PPARA: variants seen among roughly 807,000 people sequenced by gnomAD.
PPARA encodes the protein peroxisome proliferator activated receptor alpha, also known as peroxisome proliferator-activated receptor alpha.
In PPARA, 22 loss-of-function variants were observed where a neutral mutation model predicts 42.2. That is an observed-to-expected ratio of 0.52 (90% CI 0.37 to 0.74). The LOEUF (loss-of-function observed/expected upper bound fraction) is 0.74. Among genes scored for constraint, PPARA ranks in the 30% least tolerant of loss-of-function variants. The pLI is 0.00. For missense variants in PPARA, 465 were observed against 608.2 expected, an observed-to-expected ratio of 0.76 and a Z score of 2.48; for synonymous variants, 242 against 239.3, an observed-to-expected ratio of 1.01 and a Z score of -0.10.
In PPARA at chr22:46,184,713, G is replaced by A. The variant is rs1376973993; in HGVS notation, c.-43+7877G>A. Among the ~76,000 whole-genome samples, 1 of 152,152 alleles carries A rather than the reference G, an allele frequency of 6.6e-6. No homozygotes were observed. The highest frequency in any genetic ancestry group is 1.5e-5 in the Non-Finnish European group (1 of 68,032). The stretch of plus-strand genomic sequence containing the variant: ...CTACAAAAAATACAAAAATTAGCCA[G>A]GCGTGGTGGCGCACGCCTGTAGTAC... On this transcript the variant is annotated intron_variant, in intron 3 of 8. Coordinates refer to ENST00000407236, the MANE Select transcript of PPARA (RefSeq NM_005036.6). The surrounding 1 kb of genome is among the most constrained non-coding windows in gnomAD (Gnocchi z 4.4).
intron 3 of PPARA, among the ~76,000 whole-genome samples, chr22:46,185,524 T>C (rs1043465928): frequency 2.7e-5 from 4 of 150,848 alleles, no homozygotes; most frequent in South Asian, 4.2e-4. Context: ...TCAGAACTTG[T>C]CTGCTCTGGC....
Position 46,191,200 on chromosome 22 carries a change from C to T in PPARA, c.-42-7142C>T, listed in dbSNP as rs904326121. Among the ~76,000 whole-genome samples the T allele has an allele frequency of 6.6e-6, 1 of 152,062 alleles. No individual in the cohort carries two copies. The highest frequency in any genetic ancestry group is 2.4e-5 in the African/African-American group (1 of 41,398). ...CAGAGTGAGACTGCATCTATAAAAA[C>T]AACAACAAAAAAGAAAATATTTGCA... is the stretch of plus-strand genomic sequence containing the variant. On this transcript the variant is annotated intron_variant, in intron 3 of 8. Coordinates refer to ENST00000407236, the MANE Select transcript of PPARA (RefSeq NM_005036.6). The surrounding 1 kb of genome is among the most constrained non-coding windows in gnomAD (Gnocchi z 4.6).
intron 4 of PPARA, among the ~76,000 whole-genome samples, chr22:46,209,714 T>A (rs1223153642): frequency 6.6e-6 from 1 of 152,220 alleles, no homozygotes; most frequent in Non-Finnish European, 1.5e-5. Context: ...ACTCAGCTTC[T>A]TAAACATTTA....
rs995221923 is a variant in PPARA at position 46,162,016 on chromosome 22, C to A, written c.-127+10046C>A. On this transcript the variant is annotated intron_variant, in intron 2 of 8. Coordinates refer to ENST00000407236, the MANE Select transcript of PPARA (RefSeq NM_005036.6). This position sits in a 1 kb window ranked among gnomAD's most constrained non-coding sequence, Gnocchi z 6.0. ...TCCTGCGTTTTCCCCTCCCCTCACCCTGGCGACCCTTTTCGGTCTCAGTTG... is the reference window on the plus strand; with the variant it reads ...TCCTGCGTTTTCCCCTCCCCTCACCATGGCGACCCTTTTCGGTCTCAGTTG... Among the ~76,000 whole-genome samples the A allele has an allele frequency of 6.6e-6, 1 of 152,186 alleles. No individual in the cohort carries two copies. The highest frequency in any genetic ancestry group is 6.5e-5 in the Admixed American group (1 of 15,276).
At chr22:46,151,541 TAAAAG>T (rs927479108) in intron 1 of PPARA, among the ~76,000 whole-genome samples, 1 of 152,246 alleles carries the variant, frequency 6.6e-6, no homozygotes, top group African/African-American at 2.4e-5. Context: ...TTTTAAAAGT[TAAAAG>T]AGAGGAAGTG....
intron 5 of PPARA, among the ~76,000 whole-genome samples, chr22:46,215,799 A>G (rs1934431338): frequency 6.6e-6 from 1 of 152,172 alleles, no homozygotes; most frequent in South Asian, 2.1e-4. Context: ...GTGATAGATT[A>G]GCCTCTCTTT....
Position 46,187,531 on chromosome 22 carries a change from C to T in PPARA, c.-43+10695C>T, listed in dbSNP as rs898848599. The stretch of plus-strand genomic sequence containing the variant: ...TCTTTTCTTGGGACAGTTACAACAG[C>T]CCCGTAAGGAGTTGTGCTGCTTCTA... On this transcript the variant is annotated intron_variant, in intron 3 of 8. Coordinates refer to ENST00000407236, the MANE Select transcript of PPARA (RefSeq NM_005036.6). This position sits in a 1 kb window ranked among gnomAD's most constrained non-coding sequence, Gnocchi z 4.9. Among the ~76,000 whole-genome samples the T allele has an allele frequency of 6.6e-6, 1 of 152,202 alleles. No individual in the cohort carries two copies. The highest frequency in any genetic ancestry group is 1.5e-5 in the Non-Finnish European group (1 of 68,032).
Position 46,192,920 on chromosome 22 carries a change from A to G in PPARA, c.-42-5422A>G, listed in dbSNP as rs917664617. Among the ~76,000 whole-genome samples, 1 of 152,178 alleles carries G rather than the reference A, an allele frequency of 6.6e-6. No individual in the cohort carries two copies. Among genetic ancestry groups the G allele is most frequent in the African/African-American group, 2.4e-5 (1 of 41,462 alleles). ...TGTTCTCACTTATTTGTGGGCTCTA[A>G]AAATCAAATCACTTGAACTCAGAGA... is the stretch of plus-strand genomic sequence containing the variant. On this transcript the variant is annotated intron_variant, in intron 3 of 8. Coordinates refer to ENST00000407236, the MANE Select transcript of PPARA (RefSeq NM_005036.6). The surrounding 1 kb of genome is among the most constrained non-coding windows in gnomAD (Gnocchi z 4.3).
At chr22:46,217,806 G>T (rs1934622364) in intron 5 of PPARA, among the ~76,000 whole-genome samples, 2 of 128,988 alleles carry the variant, frequency 1.6e-5, no homozygotes, top group African/African-American at 3.1e-5. Context: ...CTTCTTAGAA[G>T]AACTATTTCT....
At position 46,196,425 on chromosome 22, in the gene PPARA, C is replaced by A. The variant is rs76885466; in HGVS notation, c.-42-1917C>A. Among the ~76,000 whole-genome samples the A allele has an allele frequency of 6.6e-6, 1 of 152,232 alleles. No homozygotes were observed. The highest frequency in any genetic ancestry group is 6.5e-5 in the Admixed American group (1 of 15,288). ...ATGTCACACCCAGCACACATGCCAC[C>A]GGCTTGGCCCTGCGCCCCGCAGCCT... On this transcript the variant is annotated intron_variant, in intron 3 of 8. Coordinates refer to ENST00000407236, the MANE Select transcript of PPARA (RefSeq NM_005036.6). The surrounding 1 kb of genome is among the most constrained non-coding windows in gnomAD (Gnocchi z 5.6).
At chr22:46,213,669 A>G (rs1934159942) in intron 4 of PPARA, among the ~76,000 whole-genome samples, 1 of 150,976 alleles carries the variant, frequency 6.6e-6, no homozygotes, top group Non-Finnish European at 1.5e-5. Context: ...GGCTCACTGC[A>G]AGCTCCGCCT....
At position 46,203,015 on chromosome 22, in the gene PPARA, C is replaced by G. The variant is rs1324821773; in HGVS notation, c.208+4424C>G. Among the ~76,000 whole-genome samples, 1 of 152,134 alleles carries G rather than the reference C, an allele frequency of 6.6e-6. No homozygotes were observed. Among genetic ancestry groups the G allele is most frequent in the African/African-American group, 2.4e-5 (1 of 41,446 alleles). On this transcript the variant is annotated intron_variant, in intron 4 of 8. Transcript: ENST00000407236. This position sits in a 1 kb window ranked among gnomAD's most constrained non-coding sequence, Gnocchi z 5.8. ...ACACTGAAGCGTCCTGGTCACCCATCCCTGGTTTTGACCACCAGCCTTTAA... is the reference window on the plus strand; with the variant it reads ...ACACTGAAGCGTCCTGGTCACCCATGCCTGGTTTTGACCACCAGCCTTTAA...
Position 46,216,703 on chromosome 22 carries a change from G to A in PPARA, c.369+1370G>A, listed in dbSNP as rs1040975113. 2.0e-5 allele frequency among the ~76,000 whole-genome samples: 3 copies of A among 152,168 alleles called. No individual in the cohort carries two copies. The highest frequency in any genetic ancestry group is 7.2e-5 in the African/African-American group (3 of 41,432). ...CCCTGTGCATCTTCATCCTCCTGCTGGCTCAGCCTGCCCTAAACAGATGTG... is the reference window on the plus strand; with the variant it reads ...CCCTGTGCATCTTCATCCTCCTGCTAGCTCAGCCTGCCCTAAACAGATGTG... On this transcript the variant is annotated intron_variant, in intron 5 of 8. Transcript: ENST00000407236. This position sits in a 1 kb window ranked among gnomAD's most constrained non-coding sequence, Gnocchi z 4.5.
chr22:46,193,149 C>T lies in PPARA; in HGVS notation c.-42-5193C>T, dbSNP rs995361721. 6.6e-6 allele frequency among the ~76,000 whole-genome samples: 1 copy of T among 152,200 alleles called. No individual in the cohort carries two copies. Among genetic ancestry groups the T allele is most frequent in the Non-Finnish European group, 1.5e-5 (1 of 68,042 alleles). The stretch of plus-strand genomic sequence containing the variant: ...TGGCATGATCTCGGCTCACTGCAAC[C>T]TCCACCTCCTGGGTTCAAGCGATCC... On this transcript the variant is annotated intron_variant, in intron 3 of 8. Coordinates refer to ENST00000407236, the MANE Select transcript of PPARA (RefSeq NM_005036.6). This position sits in a 1 kb window ranked among gnomAD's most constrained non-coding sequence, Gnocchi z 5.3.
At position 46,171,064 on chromosome 22, in the gene PPARA, G is replaced by A. The variant is rs1393568947; in HGVS notation, c.-126-5689G>A. 6.6e-6 allele frequency among the ~76,000 whole-genome samples: 1 copy of A among 152,096 alleles called. No homozygotes were observed. Among genetic ancestry groups the A allele is most frequent in the Non-Finnish European group, 1.5e-5 (1 of 68,018 alleles). ...TAATCCCAGCTACTTGGGAGGCTGA[G>A]GCAGGAGAATTGCTTGAGCCCAGGA... On this transcript the variant is annotated intron_variant, in intron 2 of 8. Coordinates refer to ENST00000407236, the MANE Select transcript of PPARA (RefSeq NM_005036.6). The surrounding 1 kb of genome is among the most constrained non-coding windows in gnomAD (Gnocchi z 5.0).
At chr22:46,198,251 A>AAAAAAG in intron 3 of PPARA, 91 bp from the exon 4 acceptor site, 5 of 465,456 alleles carry the variant, frequency 1.1e-5, no homozygotes, top group African/African-American at 4.2e-5. Flanking sequence ...AAAAAAAAAA[A>AAAAAAG]AAGAATAAAT....
intron 4 of PPARA, among the ~76,000 whole-genome samples, 161 bp downstream of exon 4, chr22:46,198,752 C>T (rs1485190099): frequency 2.0e-5 from 3 of 150,692 alleles, no homozygotes; most frequent in Non-Finnish European, 4.4e-5. Context: ...GCTCCACCTC[C>T]TGGGTTCACA....
intron 4 of PPARA, among the ~76,000 whole-genome samples, chr22:46,206,302 G>C (rs762495879): frequency 1.3e-5 from 2 of 152,054 alleles, no homozygotes; most frequent in Non-Finnish European, 2.9e-5. Context: ...ATTTTTACTA[G>C]AGACGGGTTT....
chr22:46,208,373 C>T (rs1268713235), intron 4 of PPARA, among the ~76,000 whole-genome samples: 1 of 151,956 alleles, frequency 6.6e-6, no homozygotes, highest in Non-Finnish European at 1.5e-5. Context: ...CATGGTGAAA[C>T]CCCGTCCCTA....
Sources: gnomAD v4.1 joint callset for allele counts (sites outside exome capture counted in the v4.1 genomes callset) on GRCh38, gnomAD v4.1.1 for gene constraint, Gnocchi (gnomAD v3.1) non-coding constraint, MANE v1.5 for transcripts, NCBI Gene and HGNC (gene_info 2026-07-23, HGNC 2026-07-21) for gene names.